EPG5: variants seen among roughly 807,000 people sequenced by gnomAD.
EPG5 encodes ectopic P-granules 5 autophagy tethering factor.
A neutral mutation model predicts 302.7 loss-of-function variants in EPG5; 159 were observed. That is an observed-to-expected ratio of 0.53 (90% CI 0.46 to 0.60). The LOEUF is 0.60. Ranked by LOEUF, EPG5 falls within the 20% of genes least tolerant of loss-of-function variation. EPG5 has a pLI of 0.00. For synonymous variants in EPG5, 1,158 were observed against 1,136.8 expected (o/e 1.02, Z -0.37); for missense variants, 2,896 against 3,092.4 (o/e 0.94, Z 1.51).
intron 9 of EPG5, among the ~76,000 whole-genome samples, chr18:45,942,371 G>A (rs2050687553): frequency 6.6e-6 from 1 of 152,198 alleles, no homozygotes; most frequent in Non-Finnish European, 1.5e-5. Flanking sequence ...GGGAAGCCGA[G>A]GCAGATGGAT....
At chr18:45,863,221 T>TAA (rs2048672285) in intron 39 of EPG5, among the ~76,000 whole-genome samples, 1 of 152,226 alleles carries the variant, frequency 6.6e-6, no homozygotes, top group Non-Finnish European at 1.5e-5. Context: ...TAAAGCTAGA[T>TAA]GTTTTTGGTT....
At chr18:45,809,611 C>G in the EPG5 span, among the ~76,000 whole-genome samples, 1 of 152,296 alleles carries the variant, frequency 6.6e-6, no homozygotes, top group Admixed American at 6.5e-5. Flanking sequence ...ATAACCTGTT[C>G]CTGAATGATC....
At chr18:45,897,608 C>T (rs1243928009) in intron 27 of EPG5, among the ~76,000 whole-genome samples, 4 of 152,170 alleles carry the variant, frequency 2.6e-5, no homozygotes, top group African/African-American at 7.2e-5. Flanking sequence ...GTATAAAGCA[C>T]CTGGCCAAAG....
the EPG5 span, among the ~76,000 whole-genome samples, chr18:45,813,527 C>G: frequency 6.6e-6 from 1 of 152,288 alleles, no homozygotes; most frequent in South Asian, 2.1e-4. Context: ...AAATGTCCAG[C>G]AATGACAGAC....
chr18:45,856,190 C>A (rs531843), intron 42 of EPG5, among the ~76,000 whole-genome samples: 9,129 of 152,082 alleles, frequency 0.06, 529 homozygotes, highest in African/African-American at 0.15. Flanking sequence ...ATGTGGAATA[C>A]AAAGGAATAT....
chr18:45,830,624 C>T, the EPG5 span, among the ~76,000 whole-genome samples: 5 of 116,830 alleles, frequency 4.3e-5, no homozygotes, highest in Admixed American at 4.8e-4. Context: ...CTCGCTCTGT[C>T]ACCCAGGCTG....
chr18:45,938,491 T>C (rs570746015), intron 10 of EPG5, among the ~76,000 whole-genome samples: 2 of 151,340 alleles, frequency 1.3e-5, no homozygotes, highest in Non-Finnish European at 2.9e-5. Flanking sequence ...TAAATTTCTA[T>C]ACCCAAGTTC....
intron 43 of EPG5, among the ~76,000 whole-genome samples, chr18:45,854,319 A>G (rs2048471337): frequency 6.6e-6 from 1 of 152,194 alleles, no homozygotes; most frequent in Non-Finnish European, 1.5e-5. Context: ...CCTTGCTCTT[A>G]ATAACCAAGA....
chr18:45,924,332 A>T, intron 14 of EPG5, among the ~76,000 whole-genome samples: 1 of 152,218 alleles, frequency 6.6e-6, no homozygotes, highest in South Asian at 2.1e-4. Context: ...TGAAGGTGGA[A>T]AACAGCCCCC....
the EPG5 span, chr18:45,840,326 A>C: frequency 6.9e-7 from 1 of 1,456,070 alleles, no homozygotes; most frequent in African/African-American, 1.4e-5. Flanking sequence ...AGAAGGAATA[A>C]ATGGCAAAGG....
intron 13 of EPG5, among the ~76,000 whole-genome samples, chr18:45,926,614 G>A (rs2050274857): frequency 6.6e-6 from 1 of 152,064 alleles, no homozygotes; most frequent in Non-Finnish European, 1.5e-5. Context: ...ATCACCTGAG[G>A]TCAGGAGTTT....
chr18:45,853,481 T>C (rs922673213), intron 43 of EPG5, among the ~76,000 whole-genome samples: 2 of 152,218 alleles, frequency 1.3e-5, no homozygotes, highest in Admixed American at 1.3e-4. Flanking sequence ...GGAGTTTTGT[T>C]TTCCAACTTA....
chr18:45,872,459 T>C (rs562647803), intron 35 of EPG5, among the ~76,000 whole-genome samples: 1 of 152,296 alleles, frequency 6.6e-6, no homozygotes, highest in East Asian at 1.9e-4. Context: ...ATCCCGGCAC[T>C]TTGGGAGGCC....
chr18:45,934,258 C>T (rs1305175698), intron 11 of EPG5, among the ~76,000 whole-genome samples: 1 of 151,920 alleles, frequency 6.6e-6, no homozygotes, highest in Non-Finnish European at 1.5e-5. Flanking sequence ...CACTCCACTC[C>T]AACCTGGGTG....
In EPG5 at chr18:45,955,266, G is replaced by A. The variant is rs866435487; in HGVS notation, c.136C>T (p.Gln46Ter). The A allele has an allele frequency of 2.5e-6, 4 of 1,613,928 alleles. No homozygotes were observed. Among genetic ancestry groups the A allele is most frequent in the African/African-American group, 1.3e-5 (1 of 74,930 alleles). Residue 46 changes from glutamine to a stop codon, truncating the protein, a stop_gained, in exon 2 of 44, where the codon CAG becomes TAG. Coordinates refer to ENST00000282041, the MANE Select transcript of EPG5 (RefSeq NM_020964.3). LOFTEE classifies it high-confidence loss of function. The stretch of plus-strand genomic sequence containing the variant: ...TCACAGGCTAGAGAAGGGATTTCCT[G>A]CTCTCTGGAGGTTTTTGGAAGGGAG... ...EVSLPKTSRE[Q>*]EIPSLACEFK...
intron 20 of EPG5, among the ~76,000 whole-genome samples, chr18:45,915,058 C>T (rs1005602310): frequency 2.6e-5 from 4 of 151,822 alleles, no homozygotes; most frequent in Admixed American, 2.6e-4. Context: ...GTGGGCGGAT[C>T]ACCTGAGGTG....
At chr18:45,925,577 CAA>C (rs2050248924) in intron 14 of EPG5, among the ~76,000 whole-genome samples, 159 bp downstream of exon 14, 1 of 152,190 alleles carries the variant, frequency 6.6e-6, no homozygotes, top group South Asian at 2.1e-4. Flanking sequence ...GCTCATTCTG[CAA>C]AAGAGAATTA....
chr18:45,863,415 G>A (rs888128106), intron 39 of EPG5, among the ~76,000 whole-genome samples: 1 of 152,000 alleles, frequency 6.6e-6, no homozygotes, highest in Non-Finnish European at 1.5e-5. Context: ...CTTGGAAATT[G>A]TACATTTTAA....
chr18:45,822,146 C>A, the EPG5 span, among the ~76,000 whole-genome samples: 1 of 152,158 alleles, frequency 6.6e-6, no homozygotes, highest in Non-Finnish European at 1.5e-5. Context: ...ATAGAATCAA[C>A]CTGGGTGTCC....
Sources: allele counts gnomAD v4.1 joint callset (sites outside exome capture counted in the v4.1 genomes callset), GRCh38; gene constraint gnomAD v4.1.1; transcripts MANE v1.5; gene names NCBI Gene and HGNC (gene_info 2026-07-23, HGNC 2026-07-21).